The following MLH3 variants were observed in gnomAD, a reference collection of about 807,000 sequenced individuals.
MLH3 encodes the protein mutL homolog 3.
MLH3 carries 82 observed loss-of-function variants against 122.2 expected under a neutral mutation model. That is an observed-to-expected ratio of 0.67 (90% confidence interval 0.56 to 0.81). MLH3 has a LOEUF of 0.81. Ranked by LOEUF, MLH3 falls within the 30% of genes least tolerant of loss-of-function variation. MLH3 has a pLI of 0.00. For missense variants in MLH3, 1,539 were observed against 1,714.5 expected, an observed-to-expected ratio of 0.90 and a Z score of 1.81; for synonymous variants, 524 against 599.5, an observed-to-expected ratio of 0.87 and a Z score of 1.84.
Position 75,047,951 on chromosome 14 carries a change from T to C in MLH3, c.1705A>G (p.Thr569Ala), listed in dbSNP as rs1169722825. Residue 569 changes from threonine (T) to alanine (A), a missense_variant, in exon 2 of 13, where the codon ACA becomes GCA. Physicochemically the swap from Thr to Ala is moderately conservative, Grantham distance 58. Transcript: ENST00000355774. ...EVGCQPLPFA[T>A]TLWGVHSAQT... ...GCACTATGTACTCCCCATAATGTTG[T>C]TGCAAAAGGCAGAGGCTGGCATCCC... 8.1e-6 allele frequency: 13 copies of C among 1,614,174 alleles called. No individual in the cohort carries two copies. Among genetic ancestry groups the C allele is most frequent in the Non-Finnish European group, 1.0e-5 (12 of 1,180,022 alleles).
intron 12 of MLH3, among the ~76,000 whole-genome samples, 188 bp from the exon 13 acceptor site, chr14:75,017,389 A>T (rs1407775972): frequency 6.6e-6 from 1 of 152,136 alleles, no homozygotes; most frequent in Admixed American, 6.5e-5. Flanking sequence ...ATACAAAAAA[A>T]AATTAGCCGG....
intron 2 of MLH3, among the ~76,000 whole-genome samples, chr14:75,045,668 G>GA (rs1892155813): frequency 6.6e-6 from 1 of 152,156 alleles, no homozygotes; most frequent in South Asian, 2.1e-4. Context: ...ACATTTCTAG[G>GA]AAAGCTGGGC....
chr14:75,043,506 A>G (rs1892011514), intron 2 of MLH3, among the ~76,000 whole-genome samples: 1 of 152,232 alleles, frequency 6.6e-6, no homozygotes, highest in South Asian at 2.1e-4. Context: ...TCCAGAGTCT[A>G]GTAAGATCTG....
chr14:75,038,455 T>G (rs1891574838), intron 5 of MLH3, 43 bp from the exon 6 acceptor site: 1 of 1,217,982 alleles, frequency 8.2e-7, no homozygotes. Context: ...AAATAAAAAT[T>G]AACAAAGGCT....
intron 9 of MLH3, among the ~76,000 whole-genome samples, chr14:75,023,507 C>A (rs914056215): frequency 1.3e-5 from 2 of 152,200 alleles, no homozygotes; most frequent in Non-Finnish European, 2.9e-5. Flanking sequence ...TTAGTTCCCA[C>A]GGGCTTTTTG....
chr14:75,050,679 T>A (rs187196223), intron 1 of MLH3, among the ~76,000 whole-genome samples: 49 of 152,286 alleles, frequency 3.2e-4, no homozygotes, highest in Admixed American at 4.6e-4. Flanking sequence ...GGATTACAGG[T>A]GTGAACCACC....
At chr14:75,045,742 C>T (rs1361290799) in intron 2 of MLH3, among the ~76,000 whole-genome samples, 1 of 152,114 alleles carries the variant, frequency 6.6e-6, no homozygotes, top group African/African-American at 2.4e-5. Context: ...TTAATAGTAT[C>T]ATTTTTATTA....
At chr14:75,046,291 T>C (rs893056937) in intron 2 of MLH3, 85 bp downstream of exon 2, 7 of 1,353,294 alleles carry the variant, frequency 5.2e-6, no homozygotes, top group Admixed American at 5.0e-5. Context: ...GTTGAGATAA[T>C]CTCTTTGGAT....
At chr14:75,042,557 T>C in intron 2 of MLH3, 80 bp from the exon 3 acceptor site, 1 of 1,046,080 alleles carries the variant, frequency 9.6e-7, no homozygotes, top group Admixed American at 1.8e-5. Context: ...ACATAAAACC[T>C]CTTTCTGCAC....
At chr14:75,029,215 T>TATTATTCATTA (rs967283277) in intron 9 of MLH3, among the ~76,000 whole-genome samples, 1 of 151,992 alleles carries the variant, frequency 6.6e-6, no homozygotes, top group Non-Finnish European at 1.5e-5. Flanking sequence ...AAAATATATT[T>TATTATTCATTA]ATTATTCATT....
chr14:75,039,267 C>A (rs982333007), intron 5 of MLH3, among the ~76,000 whole-genome samples: 3 of 152,132 alleles, frequency 2.0e-5, no homozygotes, highest in African/African-American at 7.2e-5. Context: ...TATACCACTG[C>A]CCCAGGGTCT....
At chr14:75,040,670 A>C (rs1177196426) in intron 4 of MLH3, among the ~76,000 whole-genome samples, 2 of 152,150 alleles carry the variant, frequency 1.3e-5, no homozygotes, top group Non-Finnish European at 2.9e-5. Flanking sequence ...CCTGTTTATA[A>C]CATGCACAGT....
chr14:75,022,367 T>C (rs953523732), intron 11 of MLH3, among the ~76,000 whole-genome samples: 2 of 152,230 alleles, frequency 1.3e-5, no homozygotes, highest in African/African-American at 4.8e-5. Context: ...GCCTTCTGTA[T>C]CAAATCCAAA....
At chr14:75,041,509 T>C (rs1891850499) in intron 4 of MLH3, 106 bp downstream of exon 4, 7 of 847,474 alleles carry the variant, frequency 8.3e-6, no homozygotes, top group South Asian at 2.8e-5. Context: ...GATCATGCCA[T>C]TGCATTTCAG....
intron 3 of MLH3, among the ~76,000 whole-genome samples, 189 bp from the exon 4 acceptor site, chr14:75,041,889 G>C (rs959101849): frequency 6.6e-6 from 1 of 152,198 alleles, no homozygotes; most frequent in African/African-American, 2.4e-5. Flanking sequence ...ACTAGAGTTG[G>C]TGACTGTATC....
chr14:75,026,785 C>A (rs1890653440), intron 9 of MLH3, among the ~76,000 whole-genome samples: 1 of 152,190 alleles, frequency 6.6e-6, no homozygotes. Context: ...ATTGGATTGA[C>A]TAAGGACTTC....
In MLH3 at chr14:75,049,537, C is replaced by CA; in HGVS notation, c.118dup (p.Cys40LeufsTer25). The CA allele has an allele frequency of 6.2e-7, 1 of 1,614,222 alleles. No homozygotes were observed. Among genetic ancestry groups the CA allele is most frequent in the Non-Finnish European group, 8.5e-7 (1 of 1,180,034 alleles). Reference sequence around the variant, plus strand: ...TTCCATATTCACCCTGACAGCCACACATTTTGCTTCAGCATCAATACTGTT... The same window carrying CA: ...TTCCATATTCACCCTGACAGCCACACAATTTTGCTTCAGCATCAATACTGTT... On this transcript the variant is annotated frameshift_variant, in exon 2 of 13. Transcript: ENST00000355774. LOFTEE classifies it high-confidence loss of function.
chr14:75,048,898 A>C lies in MLH3; in HGVS notation c.758T>G (p.Phe253Cys). ...CCTTAAAACTAGTCTTTTGTTCACA[A>C]ACAAAAACTGCATATTCTTGTTGTA... ...AHYNKNMQFL[F>C]VNKRLVLRTK... The change falls in exon 2 of 13, where the codon TTT becomes TGT. Residue 253 changes from phenylalanine to cysteine, a missense_variant. Physicochemically the swap from Phe to Cys is radical, Grantham distance 205. Transcript: ENST00000355774. The C allele has an allele frequency of 6.2e-7, 1 of 1,613,816 alleles. No homozygotes were observed. Among genetic ancestry groups the C allele is most frequent in the Non-Finnish European group, 8.5e-7 (1 of 1,179,892 alleles).
intron 12 of MLH3, among the ~76,000 whole-genome samples, chr14:75,018,528 C>A (rs1378053409): frequency 2.0e-5 from 3 of 152,168 alleles, no homozygotes; most frequent in Non-Finnish European, 4.4e-5. Flanking sequence ...GAAAGAACTG[C>A]ATATTATGAA....
Sources: gnomAD v4.1 joint callset for allele counts (sites outside exome capture counted in the v4.1 genomes callset) on GRCh38, gnomAD v4.1.1 for gene constraint, MANE v1.5 for transcripts, NCBI Gene and HGNC (gene_info 2026-07-23, HGNC 2026-07-21) for gene names.